CLDN11: variants seen among roughly 807,000 people sequenced by gnomAD.
CLDN11 encodes claudin 11, also known as claudin-11.
A neutral mutation model predicts 18.0 loss-of-function variants in CLDN11; 1 was observed. The observed-to-expected ratio is 0.06, with a 90% CI of 0.02 to 0.26. The LOEUF is 0.26. Among genes scored for constraint, CLDN11 ranks in the 10% least tolerant of loss-of-function variants. The probability of loss-of-function intolerance (pLI) is 1.00; values close to 1 mark genes in which losing one functional copy is unlikely to be tolerated. For synonymous variants in CLDN11, 116 were observed against 121.5 expected (o/e 0.96, Z 0.30); for missense variants, 172 against 276.6 (o/e 0.62, Z 2.68).
chr3:170,432,870 C>G lies in CLDN11; in HGVS notation c.*114C>G. The G allele has an allele frequency of 1.0e-6, 1 of 962,958 alleles. No individual in the cohort carries two copies. The highest frequency in any genetic ancestry group is 1.6e-6 in the Non-Finnish European group (1 of 627,896). 59.7% of individuals were successfully genotyped at this position (962,958 alleles called of 1,614,324 possible). On this transcript the variant is annotated 3_prime_UTR_variant, in exon 3 of 3. Coordinates refer to ENST00000064724, the MANE Select transcript of CLDN11 (RefSeq NM_005602.6). ...TCTGCCAGGCTCTAAAGCCAAAGGT[C>G]TAGAAAAGCATCCTGTCTGGCATTT... is the stretch of plus-strand genomic sequence containing the variant.
chr3:170,431,400 C>A (rs954605998), intron 2 of CLDN11, among the ~76,000 whole-genome samples: 1 of 152,092 alleles, frequency 6.6e-6, no homozygotes, highest in Non-Finnish European at 1.5e-5. Flanking sequence ...AATGTGCCAT[C>A]TCAACTTAAA....
rs746877615 is a variant in CLDN11 at position 170,432,808 on chromosome 3, C to T, written c.*52C>T. 5.1e-6 allele frequency: 8 copies of T among 1,560,668 alleles called. No individual in the cohort carries two copies. The Admixed American group carries it at 1.3e-4, about 26-fold the overall frequency. ...TGCTGTAGATGCTGGGCCCAGGGCC[C>T]TAGGTTTGCTCGTCACAGTGTGGGG... On this transcript the variant is annotated 3_prime_UTR_variant, in exon 3 of 3. Coordinates refer to ENST00000064724, the MANE Select transcript of CLDN11 (RefSeq NM_005602.6).
chr3:170,425,400 A>C (rs1247386689), intron 2 of CLDN11, among the ~76,000 whole-genome samples: 1 of 152,204 alleles, frequency 6.6e-6, no homozygotes, highest in African/African-American at 2.4e-5. Context: ...CAAACATACA[A>C]ACCCTGGAAA....
chr3:170,422,458 G>A (rs543865689), intron 1 of CLDN11, among the ~76,000 whole-genome samples: 1 of 152,266 alleles, frequency 6.6e-6, no homozygotes, highest in East Asian at 1.9e-4. Context: ...GTCTCGCTCT[G>A]TCACCTGGGC....
intron 2 of CLDN11, among the ~76,000 whole-genome samples, chr3:170,430,383 C>G (rs574320702): frequency 1.3e-5 from 2 of 152,180 alleles, no homozygotes; most frequent in Non-Finnish European, 2.9e-5. Flanking sequence ...GGAGGTTTCA[C>G]GTACACACTG....
intron 1 of CLDN11, among the ~76,000 whole-genome samples, chr3:170,421,890 C>T (rs1457074056): frequency 1.3e-5 from 2 of 152,158 alleles, no homozygotes; most frequent in East Asian, 1.9e-4. Flanking sequence ...TGTAGTTTTG[C>T]TCTACTCTTC....
At chr3:170,422,619 C>T (rs552781775) in intron 1 of CLDN11, among the ~76,000 whole-genome samples, 22 of 152,256 alleles carry the variant, frequency 1.4e-4, no homozygotes, top group Non-Finnish European at 2.6e-4. Flanking sequence ...GATGGGGTTT[C>T]GCCCTGTTGG....
At chr3:170,422,658 G>T (rs1485736854) in intron 1 of CLDN11, among the ~76,000 whole-genome samples, 1 of 152,174 alleles carries the variant, frequency 6.6e-6, no homozygotes, top group Non-Finnish European at 1.5e-5. Context: ...CCTGACCTCA[G>T]AAGATCCACC....
At chr3:170,431,135 T>C (rs1738993633) in intron 2 of CLDN11, among the ~76,000 whole-genome samples, 1 of 152,164 alleles carries the variant, frequency 6.6e-6, no homozygotes, top group Non-Finnish European at 1.5e-5. Context: ...CTTTTTTCCA[T>C]TTAGAACTAA....
chr3:170,432,421 C>A, intron 2 of CLDN11, 103 bp from the exon 3 acceptor site: 1 of 1,541,350 alleles, frequency 6.5e-7, no homozygotes, highest in East Asian at 2.3e-5. Flanking sequence ...CTTTTTGGAG[C>A]TGGTTGGAAG....
Position 170,418,920 on chromosome 3 carries a change from C to T in CLDN11, c.-147C>T, listed in dbSNP as rs1044407121. On this transcript the variant is annotated 5_prime_UTR_variant, in exon 1 of 3. Transcript: ENST00000064724. This position sits in a 1 kb window ranked among gnomAD's most constrained non-coding sequence, Gnocchi z 4.3. Reference sequence around the variant, plus strand: ...TCGCCGCTGAGCTCGCAGCCTCCGGCGCCCACCTCCACCTCCAGTGTCCCG... The same window carrying T: ...TCGCCGCTGAGCTCGCAGCCTCCGGTGCCCACCTCCACCTCCAGTGTCCCG... The T allele has an allele frequency of 1.3e-5, 8 of 616,698 alleles. No individual in the cohort carries two copies. Among genetic ancestry groups the T allele is most frequent in the Non-Finnish European group, 2.3e-5 (8 of 354,670 alleles). 38.2% of individuals were successfully genotyped at this position (616,698 alleles called of 1,614,324 possible).
chr3:170,434,518 A>G lies in CLDN11; in HGVS notation c.*1762A>G, dbSNP rs1398279946. Among the ~76,000 whole-genome samples, 4 of 152,252 alleles carry G rather than the reference A, an allele frequency of 2.6e-5. No individual in the cohort carries two copies. Among genetic ancestry groups the G allele is most frequent in the African/African-American group, 9.6e-5 (4 of 41,470 alleles). ...TAATATCTAAATACATTTCGTTCAA[A>G]CATACATATGTAGCTGTTTGGACAT... On this transcript the variant is annotated 3_prime_UTR_variant, in exon 3 of 3. Transcript: ENST00000064724.
intron 1 of CLDN11, 80 bp from the exon 2 acceptor site, chr3:170,423,083 G>A (rs775094998): frequency 6.8e-7 from 1 of 1,462,566 alleles, no homozygotes; most frequent in Middle Eastern, 1.8e-4. Context: ...GGGAGATGGT[G>A]CTGAATTCCC....
rs1277956530 is a variant in CLDN11, at chr3:170,419,754, C to T, written c.226+462C>T. ...GACAGGAGAATCGAACCGGCTCAGG[C>T]TGAGTTTCTCGGTCCTCATGGGATG... On this transcript the variant is annotated intron_variant, in intron 1 of 2. Transcript: ENST00000064724. This position sits in a 1 kb window ranked among gnomAD's most constrained non-coding sequence, Gnocchi z 8.6. Among the ~76,000 whole-genome samples, 1 of 152,264 alleles carries T rather than the reference C, an allele frequency of 6.6e-6. No individual in the cohort carries two copies. The highest frequency in any genetic ancestry group is 2.4e-5 in the African/African-American group (1 of 41,468).
rs1002683082 is a variant in CLDN11, at chr3:170,421,386, G to A, written c.227-1777G>A. ...CGCAGAGGCGGACGGCTGGGTCAGG[G>A]GATGGGCCTCAGACTTCCTGGAGCT... On this transcript the variant is annotated intron_variant, in intron 1 of 2. Coordinates refer to ENST00000064724, the MANE Select transcript of CLDN11 (RefSeq NM_005602.6). The A allele has an allele frequency of 4.3e-6, 3 of 704,556 alleles. No homozygotes were observed. The African/African-American group carries it at 5.8e-5, about 14-fold the overall frequency. The allele number at this position is 704,556 out of a possible 1,614,324, so 43.6% of individuals were successfully genotyped here.
Position 170,432,832 on chromosome 3 carries a change from G to A in CLDN11, c.*76G>A, listed in dbSNP as rs911557089. Reference sequence around the variant, plus strand: ...CCTAGGTTTGCTCGTCACAGTGTGGGGAAGCCCATTCCTCTGCCAGGCTCT... The same window carrying A: ...CCTAGGTTTGCTCGTCACAGTGTGGAGAAGCCCATTCCTCTGCCAGGCTCT... On this transcript the variant is annotated 3_prime_UTR_variant, in exon 3 of 3. Coordinates refer to ENST00000064724, the MANE Select transcript of CLDN11 (RefSeq NM_005602.6). The A allele has an allele frequency of 3.6e-6, 5 of 1,405,748 alleles. No individual in the cohort carries two copies. Among genetic ancestry groups the A allele is most frequent in the African/African-American group, 1.4e-5 (1 of 70,574 alleles). 87.1% of individuals were successfully genotyped at this position (1,405,748 alleles called of 1,614,324 possible).
chr3:170,432,811 G>C lies in CLDN11; in HGVS notation c.*55G>C. 4 of 1,544,238 alleles carry C rather than the reference G, an allele frequency of 2.6e-6. No individual in the cohort carries two copies. Among genetic ancestry groups the C allele is most frequent in the Non-Finnish European group, 2.7e-6 (3 of 1,117,310 alleles). ...TGTAGATGCTGGGCCCAGGGCCCTA[G>C]GTTTGCTCGTCACAGTGTGGGGAAG... On this transcript the variant is annotated 3_prime_UTR_variant, in exon 3 of 3. Coordinates refer to ENST00000064724, the MANE Select transcript of CLDN11 (RefSeq NM_005602.6).
chr3:170,432,688 G>A lies in CLDN11; in HGVS notation c.556G>A (p.Gly186Ser). 6.2e-7 allele frequency: 1 copy of A among 1,614,194 alleles called. No homozygotes were observed. The highest frequency in any genetic ancestry group is 8.5e-7 in the Non-Finnish European group (1 of 1,180,032). The change falls in exon 3 of 3, where the codon GGT (glycine) becomes AGT (serine). Residue 186 changes from glycine (G) to serine (S), a missense_variant. Physicochemically the swap from Gly to Ser is moderately conservative, Grantham distance 56. Coordinates refer to ENST00000064724, the MANE Select transcript of CLDN11 (RefSeq NM_005602.6). ...CTGCGCTGGAGATGCCCAGGCCTTT[G>A]GTGAAAACCGTTTCTACTACACTGC... ...LCCAGDAQAF[G>S]ENRFYYTAGS... is the part of the protein sequence containing the mutation.
In CLDN11 at chr3:170,432,988, G is replaced by A. The variant is rs1739039902; in HGVS notation, c.*232G>A. On this transcript the variant is annotated 3_prime_UTR_variant, in exon 3 of 3. Coordinates refer to ENST00000064724, the MANE Select transcript of CLDN11 (RefSeq NM_005602.6). ...AATGCCCAGACATTTTTTTCCCTTG[G>A]TGTTGCCCCTATTAGCTCTTTTCTT... The A allele has an allele frequency of 2.0e-6, 1 of 501,772 alleles. No homozygotes were observed. The highest frequency in any genetic ancestry group is 2.7e-5 in the South Asian group (1 of 36,790). The allele number at this position is 501,772 out of a possible 1,614,324, so 31.1% of individuals were successfully genotyped here.
Sources: allele counts gnomAD v4.1 joint callset (sites outside exome capture counted in the v4.1 genomes callset), GRCh38; gene constraint gnomAD v4.1.1; non-coding constraint Gnocchi (gnomAD v3.1); transcripts MANE v1.5; gene names NCBI Gene and HGNC (gene_info 2026-07-23, HGNC 2026-07-21).